CTNS: variants seen among roughly 807,000 people sequenced by gnomAD.
CTNS encodes cystinosin, lysosomal cystine transporter, also known as cystinosin.
Under a neutral mutation model 43.7 loss-of-function variants are expected in CTNS, and 27 were observed. That is an observed-to-expected ratio of 0.62 (90% CI 0.46 to 0.85). CTNS has a LOEUF of 0.85. CTNS is among the 40% of genes least tolerant of loss of function. CTNS has a pLI of 0.00. For synonymous variants in CTNS, 187 were observed against 190.6 expected (o/e 0.98, Z 0.16); for missense variants, 457 against 475.4 (o/e 0.96, Z 0.36).
intron 5 of CTNS, among the ~76,000 whole-genome samples, chr17:3,649,943 A>C (rs771106115): frequency 4.6e-5 from 7 of 152,130 alleles, no homozygotes; most frequent in Non-Finnish European, 8.8e-5. Flanking sequence ...ATGCCTAAAA[A>C]CTGCTAAGAG....
Position 3,651,514 on chromosome 17 carries a change from G to A in CTNS, c.225+2583G>A, listed in dbSNP as rs932224606. On this transcript the variant is annotated intron_variant, in intron 5 of 11. Transcript: ENST00000046640. ...GTCAGTCAGGGTAGCAGTGACCCTC[G>A]GGGCCAGCGGAGGCTGGAGGAAGCA... is the stretch of plus-strand genomic sequence containing the variant. 2.0e-5 allele frequency among the ~76,000 whole-genome samples: 3 copies of A among 152,278 alleles called. No homozygotes were observed. In the East Asian group the frequency reaches 5.8e-4, roughly 29 times the overall value.
intron 3 of CTNS, among the ~76,000 whole-genome samples, chr17:3,645,974 C>A (rs224504): frequency 0.44 from 65,498 of 150,084 alleles, 14,731 homozygotes; most frequent in Non-Finnish European, 0.49. Flanking sequence ...GGAACTGGGC[C>A]TGGGGGGTCT....
chr17:3,644,803 A>G (rs1049404503), intron 3 of CTNS, among the ~76,000 whole-genome samples: 7 of 152,038 alleles, frequency 4.6e-5, no homozygotes, highest in Non-Finnish European at 1.0e-4. Flanking sequence ...GTTTCGCCAT[A>G]TTGGCTAGTC....
rs769666218 is a variant in CTNS, at chr17:3,655,091, A to T, written c.319A>T (p.Asn107Tyr). 1 of 1,614,018 alleles carries T rather than the reference A, an allele frequency of 6.2e-7. No individual in the cohort carries two copies. Among genetic ancestry groups the T allele is most frequent in the Non-Finnish European group, 8.5e-7 (1 of 1,179,858 alleles). Reference sequence around the variant, plus strand: ...TGTTTATCTACATGGAAATCACTCCAATCAGACCGGGTAGGCTGGCCTCAG... The same window carrying T: ...TGTTTATCTACATGGAAATCACTCCTATCAGACCGGGTAGGCTGGCCTCAG... ...LTVYLHGNHS[N>Y]QTGPRIRFLV... is the part of the protein sequence containing the mutation. The change falls in exon 6 of 12, where the codon AAT becomes TAT. Residue 107 changes from asparagine to tyrosine, a missense_variant. By Grantham distance (143) the Asn-to-Tyr change is moderately radical. Transcript: ENST00000046640.
chr17:3,643,701 G>T (rs572513205), intron 3 of CTNS, among the ~76,000 whole-genome samples: 1 of 152,200 alleles, frequency 6.6e-6, no homozygotes, highest in Admixed American at 6.5e-5. Flanking sequence ...CAAGTAGCTG[G>T]GTTTGTAGAC....
At chr17:3,655,971 A>C in intron 7 of CTNS, 1 of 304,972 alleles carries the variant, frequency 3.3e-6, no homozygotes, top group African/African-American at 2.2e-5. Context: ...ACCTAAGGAC[A>C]GTACCCTGCT....
intron 5 of CTNS, among the ~76,000 whole-genome samples, chr17:3,649,756 G>A: frequency 7.9e-6 from 1 of 126,270 alleles, no homozygotes; most frequent in Non-Finnish European, 1.8e-5. Flanking sequence ...TGTGTACCCT[G>A]CTCCCACCTT....
intron 2 of CTNS, among the ~76,000 whole-genome samples, chr17:3,637,787 C>T (rs1416789163): frequency 6.6e-6 from 1 of 152,104 alleles, no homozygotes; most frequent in African/African-American, 2.4e-5. Context: ...CAATTTTAGT[C>T]CCACTTGACA....
At position 3,660,447 on chromosome 17, in the gene CTNS, G is replaced by A; in HGVS notation, c.*78G>A. 2 of 1,613,564 alleles carry A rather than the reference G, an allele frequency of 1.2e-6. No homozygotes were observed. The highest frequency in any genetic ancestry group is 1.7e-6 in the Non-Finnish European group (2 of 1,180,038). Reference sequence around the variant, plus strand: ...GCCTCACCCAGCGAAGGCCGGAGAAGCGGTTGGGCCCTGGCACACAGGGCT... The same window carrying A: ...GCCTCACCCAGCGAAGGCCGGAGAAACGGTTGGGCCCTGGCACACAGGGCT... On this transcript the variant is annotated 3_prime_UTR_variant, in exon 12 of 12. Transcript: ENST00000046640.
Position 3,658,078 on chromosome 17 carries a change from T to C in CTNS, c.755T>C (p.Met252Thr), listed in dbSNP as rs1437807581. The C allele has an allele frequency of 3.7e-6, 6 of 1,612,130 alleles. No homozygotes were observed. The highest frequency in any genetic ancestry group is 2.2e-5 in the East Asian group (1 of 44,894). ...GCGTGGCTCTTCGCATTTGTCACCA[T>C]GATCGTGGCTGCAGTGGGAGTGACC... ...VLAWLFAFVT[M>T]IVAAVGVTTW... The change falls in exon 10 of 12, where the codon ATG (methionine) becomes ACG (threonine). Residue 252 changes from methionine (M) to threonine (T), a missense_variant. By Grantham distance (81) the Met-to-Thr change is moderately conservative (BLOSUM62 -1). Coordinates refer to ENST00000046640, the MANE Select transcript of CTNS (RefSeq NM_004937.3).
intron 2 of CTNS, 91 bp downstream of exon 2, chr17:3,637,407 G>A (rs1266217521): frequency 6.6e-6 from 1 of 151,120 alleles, no homozygotes; most frequent in Admixed American, 6.6e-5. Context: ...CTGTGTATTT[G>A]TTTCTGTGGC....
At chr17:3,647,102 C>T (rs11655571) in intron 3 of CTNS, among the ~76,000 whole-genome samples, 9,060 of 152,302 alleles carry the variant, frequency 0.059, 283 homozygotes, top group Middle Eastern at 0.12. Flanking sequence ...CTGCCTTTTA[C>T]GCTCCCAGGT....
At chr17:3,655,378 G>C in intron 7 of CTNS, 26 bp downstream of exon 7, 2 of 1,613,314 alleles carry the variant, frequency 1.2e-6, no homozygotes, top group Non-Finnish European at 1.7e-6. Flanking sequence ...GTATGTGCAG[G>C]CTCTCTCGGG....
At chr17:3,657,980 A>G (rs749270387) in intron 9 of CTNS, 25 bp from the exon 10 acceptor site, 2 of 1,604,706 alleles carry the variant, frequency 1.2e-6, no homozygotes, top group Non-Finnish European at 1.7e-6. Flanking sequence ...GTGGGTCCAC[A>G]TCTCTGCCCT....
At chr17:3,650,813 T>C (rs1309269011) in intron 5 of CTNS, among the ~76,000 whole-genome samples, 8 of 152,196 alleles carry the variant, frequency 5.3e-5, no homozygotes, top group Non-Finnish European at 1.0e-4. Context: ...ATTTTATTTA[T>C]TTGTTTAGAG....
chr17:3,655,521 C>A, intron 7 of CTNS, 169 bp downstream of exon 7: 2 of 976,248 alleles, frequency 2.0e-6, no homozygotes, highest in Non-Finnish European at 3.1e-6. Flanking sequence ...GGTCGGATTC[C>A]CGTGCTGGGC....
chr17:3,641,355 G>GAGATATATATATAT lies in CTNS; in HGVS notation c.61+1089_61+1090insGATATATATATATA, dbSNP rs777820533. On this transcript the variant is annotated intron_variant, in intron 3 of 11. Coordinates refer to ENST00000046640, the MANE Select transcript of CTNS (RefSeq NM_004937.3). ...CCTCTTGGGTCAAATACAAAAATCA[G>GAGATATATATATAT]ATACATATATATATATATATATATA... Among the ~76,000 whole-genome samples, 37 of 64,058 alleles carry GAGATATATATATAT rather than the reference G, an allele frequency of 5.8e-4. 4 individuals carry two copies. The highest frequency in any genetic ancestry group is 2.8e-3 in the African/African-American group (34 of 12,308). 42.0% of individuals were successfully genotyped at this position (64,058 alleles called of 152,430 possible).
intron 7 of CTNS, among the ~76,000 whole-genome samples, chr17:3,656,148 G>A: frequency 1.1e-5 from 1 of 92,952 alleles, no homozygotes; most frequent in South Asian, 4.6e-4. Flanking sequence ...CCCTGGCCCT[G>A]CCATGCCCTT....
At chr17:3,658,234 C>G in intron 10 of CTNS, 59 bp downstream of exon 10, 1 of 1,599,868 alleles carries the variant, frequency 6.3e-7, no homozygotes, top group Non-Finnish European at 8.5e-7. Context: ...CTACATGGCC[C>G]AGGCCCTGCT....
Sources: allele counts gnomAD v4.1 joint callset (sites outside exome capture counted in the v4.1 genomes callset), GRCh38; gene constraint gnomAD v4.1.1; transcripts MANE v1.5; gene names NCBI Gene and HGNC (gene_info 2026-07-23, HGNC 2026-07-21).